Variants in LPA observed in about 807,000 individuals in gnomAD.
LPA encodes the protein apolipoprotein(a).
A neutral mutation model predicts 197.9 loss-of-function variants in LPA; 199 were observed. The ratio of observed to expected loss-of-function variants is 1.01; its 90% CI spans 0.90 to 1.13. The LOEUF (loss-of-function observed/expected upper bound fraction) is 1.13, where lower values mean the gene tolerates loss of function less well. Ranked by LOEUF, LPA falls within the 50% of genes most tolerant of loss-of-function variation. The pLI, the probability that LPA is intolerant of heterozygous loss-of-function variation, is 0.00. For synonymous variants in LPA, 715 were observed against 639.5 expected, an observed-to-expected ratio of 1.12 and a Z score of -1.78; for missense variants, 1,853 against 1,785.8, an observed-to-expected ratio of 1.04 and a Z score of -0.68.
intron 16 of LPA, among the ~76,000 whole-genome samples, chr6:160,608,819 TTGTGTGTGTG>T (rs10526739): frequency 6.7e-5 from 10 of 149,346 alleles, no homozygotes; most frequent in African/African-American, 2.5e-4. Flanking sequence ...TTCTTGAGGG[TTGTGTGTGTG>T]TGTGTGTGTG....
chr6:160,537,826 T>G, intron 37 of LPA, 29 bp downstream of exon 37: 5 of 1,596,394 alleles, frequency 3.1e-6, no homozygotes, highest in Non-Finnish European at 4.3e-6. Flanking sequence ...AAAAACAATT[T>G]GTTACGTGGG....
At chr6:160,611,124 A>G (rs1363345375) in intron 16 of LPA, among the ~76,000 whole-genome samples, 2 of 152,150 alleles carry the variant, frequency 1.3e-5, no homozygotes, top group Non-Finnish European at 2.9e-5. Context: ...AAATAGAAAC[A>G]GATCAATTCA....
At position 160,601,054 on chromosome 6, in the gene LPA, G is replaced by A. The variant is rs940644500; in HGVS notation, c.2990C>T (p.Ala997Val). Residue 997 changes from alanine to valine, a missense_variant, in exon 19 of 39, where the codon GCC becomes GTC. By Grantham distance (64) the Ala-to-Val change is moderately conservative. Around this residue, in one of 3 missense-constraint regions of LPA, gnomAD observed 1,737 missense variants for 1,504.4 expected, o/e 1.15. Transcript: ENST00000316300. ...NYCRNPDPVA[A>V]PWCYTTDPSV... ...GGGATCTGTTGTATAACACCAAGGG[G>A]CTGCCACAGGATCTGGATTTCGGCA... 13 of 1,614,040 alleles carry A rather than the reference G, an allele frequency of 8.1e-6. No homozygotes were observed. The highest frequency in any genetic ancestry group is 3.3e-5 in the South Asian group (3 of 91,084).
At chr6:160,579,180 C>T (rs1778743372) in intron 26 of LPA, among the ~76,000 whole-genome samples, 1 of 151,946 alleles carries the variant, frequency 6.6e-6, no homozygotes, top group Non-Finnish European at 1.5e-5. Context: ...GAAGTGGCAT[C>T]CAAGATTATA....
chr6:160,537,786 A>G (rs1386484875), intron 37 of LPA, 69 bp downstream of exon 37: 1 of 1,413,904 alleles, frequency 7.1e-7, no homozygotes, highest in African/African-American at 1.4e-5. Flanking sequence ...TATCTCCAAA[A>G]TGCTCATTTT....
intron 26 of LPA, among the ~76,000 whole-genome samples, chr6:160,579,907 G>T (rs961743423): frequency 6.6e-6 from 1 of 152,188 alleles, no homozygotes; most frequent in Non-Finnish European, 1.5e-5. Context: ...CATAGAGTGA[G>T]ATGCACAGAT....
chr6:160,597,989 C>A (rs945165379), intron 20 of LPA, among the ~76,000 whole-genome samples: 1 of 152,158 alleles, frequency 6.6e-6, no homozygotes, highest in Non-Finnish European at 1.5e-5. Flanking sequence ...TGCTTTTCAG[C>A]TTTGCTAGGT....
rs143894347 is a variant in LPA at position 160,596,505 on chromosome 6, G to A, written c.3288-970C>T. On this transcript the variant is annotated intron_variant, in intron 20 of 38. Coordinates refer to ENST00000316300, the MANE Select transcript of LPA (RefSeq NM_005577.4). ...GCTTTTCTTTTTCAAAACACAAGAT[G>A]AATATTTATAGTATAAGAAACCAAC... Among the ~76,000 whole-genome samples, 40 of 151,918 alleles carry A rather than the reference G, an allele frequency of 2.6e-4. No homozygotes were observed. In the East Asian group the frequency reaches 7.7e-3, roughly 29 times the overall value.
At chr6:160,651,693 A>G (rs115366121) in intron 1 of LPA, among the ~76,000 whole-genome samples, 3,021 of 152,258 alleles carry the variant, frequency 0.02, 78 homozygotes, top group Middle Eastern at 0.19. Flanking sequence ...TAATAAAGCA[A>G]TCAAGACAGA....
chr6:160,595,675 T>C (rs1180474214), intron 20 of LPA, 140 bp from the exon 21 acceptor site: 1 of 1,242,676 alleles, frequency 8.0e-7, no homozygotes, highest in Non-Finnish European at 1.1e-6. Flanking sequence ...TATGCACAAA[T>C]GGTCCTCAAC....
intron 28 of LPA, among the ~76,000 whole-genome samples, chr6:160,573,621 T>C (rs954385014): frequency 6.6e-6 from 1 of 152,224 alleles, no homozygotes; most frequent in African/African-American, 2.4e-5. Context: ...GGTGTTCCCT[T>C]GATGTAGTAC....
chr6:160,586,320 C>T (rs1275511867), intron 25 of LPA, 129 bp downstream of exon 25: 1 of 1,080,660 alleles, frequency 9.3e-7, no homozygotes, highest in East Asian at 2.5e-5. Context: ...AAGCTTCCTT[C>T]CCATTGGCTG....
intron 18 of LPA, 61 bp from the exon 19 acceptor site, chr6:160,601,159 A>G: frequency 5.3e-6 from 8 of 1,496,278 alleles, no homozygotes; most frequent in Non-Finnish European, 7.5e-6. Context: ...AACACTGTAT[A>G]TTTTGCTACA....
At chr6:160,586,692 C>A (rs1778919052) in intron 24 of LPA, 62 bp from the exon 25 acceptor site, 2 of 1,609,312 alleles carry the variant, frequency 1.2e-6, no homozygotes, top group Non-Finnish European at 1.7e-6. Context: ...CCACCTGGCA[C>A]CCTCTATGTT....
chr6:160,599,179 T>TA (rs759237320), intron 20 of LPA, among the ~76,000 whole-genome samples: 3 of 152,064 alleles, frequency 2.0e-5, no homozygotes, highest in African/African-American at 4.8e-5. Flanking sequence ...CTGTCTCTAC[T>TA]AAAAATACAA....
At chr6:160,574,705 G>A (rs1434751068) in intron 28 of LPA, among the ~76,000 whole-genome samples, 2 of 152,198 alleles carry the variant, frequency 1.3e-5, no homozygotes, top group African/African-American at 4.8e-5. Flanking sequence ...GTTTGAGGGA[G>A]TAAGGCCTCC....
rs1000948749 is a variant in LPA, at chr6:160,634,492, C to A, written c.1076-580G>T. Among the ~76,000 whole-genome samples, 17 of 135,672 alleles carry A rather than the reference C, an allele frequency of 1.3e-4. 1 individual carries two copies. The East Asian group carries it at 3.4e-3, about 27-fold the overall frequency. The allele number at this position is 135,672 out of a possible 152,430, so 89.0% of individuals were successfully genotyped here. ...AGGGAATCTTCTCATGCCCTGCATC[C>A]TGAATTGCAGTAAAGGAGAAGTCTA... On this transcript the variant is annotated intron_variant, in intron 7 of 38. Transcript: ENST00000316300.
chr6:160,587,029 TA>T (rs1778925039), intron 24 of LPA, among the ~76,000 whole-genome samples: 2 of 152,230 alleles, frequency 1.3e-5, no homozygotes, highest in South Asian at 4.1e-4. Context: ...TAAGTCTCTA[TA>T]AAACTGCATG....
chr6:160,606,781 AC>A, intron 16 of LPA, 123 bp from the exon 17 acceptor site: 1 of 1,445,604 alleles, frequency 6.9e-7, no homozygotes, highest in Non-Finnish European at 9.7e-7. Context: ...CCATAAAAGT[AC>A]CATATGATTG....
Sources: allele counts gnomAD v4.1 joint callset (sites outside exome capture counted in the v4.1 genomes callset), GRCh38; gene constraint gnomAD v4.1.1; regional missense constraint gnomAD v4.1.1; transcripts MANE v1.5; gene names NCBI Gene and HGNC (gene_info 2026-07-23, HGNC 2026-07-21).